Variants in SNX1 observed in about 807,000 individuals in gnomAD.
The protein encoded by SNX1 is sorting nexin-1.
In SNX1, 36 loss-of-function variants were observed where a neutral mutation model predicts 71.8. The ratio of observed to expected loss-of-function variants is 0.50; its 90% CI spans 0.38 to 0.66. SNX1 has a LOEUF of 0.66. SNX1 is among the 30% of genes least tolerant of loss of function. SNX1 has a pLI of 0.00. For synonymous variants in SNX1, 254 were observed against 240.7 expected (o/e 1.06, Z -0.51); for missense variants, 612 against 646.7 (o/e 0.95, Z 0.58).
chr15:64,102,388 G>C (rs556403959), intron 1 of SNX1, among the ~76,000 whole-genome samples: 2 of 152,000 alleles, frequency 1.3e-5, no homozygotes, highest in African/African-American at 2.4e-5. Flanking sequence ...TTATCTTTTT[G>C]TTGAGAACAT....
At chr15:64,113,340 C>T (rs542519522) in intron 2 of SNX1, among the ~76,000 whole-genome samples, 138 of 152,138 alleles carry the variant, frequency 9.1e-4, no homozygotes, top group Non-Finnish European at 1.7e-3. Context: ...TGCTTTTGCC[C>T]CCCAGAAGAC....
intron 4 of SNX1, among the ~76,000 whole-genome samples, chr15:64,119,799 G>A (rs546699224): frequency 2.5e-4 from 38 of 150,854 alleles, no homozygotes; most frequent in African/African-American, 9.0e-4. Flanking sequence ...CCATTTTACT[G>A]TCTTTTGAGA....
chr15:64,119,735 A>AC (rs1314620720), intron 4 of SNX1, among the ~76,000 whole-genome samples: 30 of 109,754 alleles, frequency 2.7e-4, no homozygotes, highest in Non-Finnish European at 5.7e-4. Flanking sequence ...AAAAAAAAAA[A>AC]AAACACACAC....
At chr15:64,106,874 T>C (rs1018772228) in intron 1 of SNX1, among the ~76,000 whole-genome samples, 2 of 152,206 alleles carry the variant, frequency 1.3e-5, no homozygotes, top group South Asian at 4.1e-4. Context: ...CAAAACCCAT[T>C]GGACTTTTTC....
intron 1 of SNX1, among the ~76,000 whole-genome samples, chr15:64,109,558 G>A (rs1196712390): frequency 6.6e-6 from 1 of 152,016 alleles, no homozygotes; most frequent in Non-Finnish European, 1.5e-5. Context: ...TGTCCAGGCT[G>A]GAGTGCAGTG....
At position 64,112,605 on chromosome 15, in the gene SNX1, C is replaced by G; in HGVS notation, c.192C>G (p.Ser64=). ...SKHQSPKITT[S]LLPINNGSKE... is the part of the protein sequence containing the mutation. ...ATCAGTCTCCAAAGATAACTACATC[C>G]CTTCTTCCCATCAACAATGGCTCCA... is the stretch of plus-strand genomic sequence containing the variant. Residue 64 remains serine, a synonymous_variant, in exon 2 of 15, where the codon TCC becomes TCG. Coordinates refer to ENST00000559844, the MANE Select transcript of SNX1 (RefSeq NM_003099.5). The G allele has an allele frequency of 6.2e-7, 1 of 1,612,066 alleles. No individual in the cohort carries two copies. The highest frequency in any genetic ancestry group is 8.5e-7 in the Non-Finnish European group (1 of 1,178,432).
chr15:64,108,433 G>T (rs2081044458), intron 1 of SNX1, among the ~76,000 whole-genome samples: 1 of 152,060 alleles, frequency 6.6e-6, no homozygotes, highest in Non-Finnish European at 1.5e-5. Context: ...TTTGTATTTT[G>T]ATAACGTGCT....
chr15:64,111,016 A>G lies in SNX1; in HGVS notation c.160-1557A>G, dbSNP rs116601727. 7.6e-3 allele frequency among the ~76,000 whole-genome samples: 1,150 copies of G among 152,316 alleles called. 16 individuals are homozygous for G. Among genetic ancestry groups the G allele is most frequent in the African/African-American group, 0.027 (1,106 of 41,558 alleles). ...TGAGCTACTAGTAAATTACATTTGT[A>G]TACATGTATCCTTAATGTATACTGG... On this transcript the variant is annotated intron_variant, in intron 1 of 14. Coordinates refer to ENST00000559844, the MANE Select transcript of SNX1 (RefSeq NM_003099.5).
At chr15:64,099,265 G>A (rs1339492995) in intron 1 of SNX1, among the ~76,000 whole-genome samples, 8 of 152,096 alleles carry the variant, frequency 5.3e-5, no homozygotes, top group Non-Finnish European at 1.0e-4. Context: ...AATAATACTA[G>A]TATTTACCTC....
chr15:64,114,570 C>G (rs1329245500), intron 2 of SNX1, among the ~76,000 whole-genome samples: 1 of 152,110 alleles, frequency 6.6e-6, no homozygotes, highest in African/African-American at 2.4e-5. Context: ...AAGACAAGAG[C>G]TGGACATATG....
intron 14 of SNX1, among the ~76,000 whole-genome samples, 176 bp from the exon 15 acceptor site, chr15:64,137,392 C>A (rs967122453): frequency 6.6e-5 from 10 of 152,226 alleles, no homozygotes; most frequent in African/African-American, 2.4e-4. Flanking sequence ...GTAACTGCTG[C>A]CTTCCCTGTC....
At chr15:64,117,727 G>C (rs546350133) in intron 2 of SNX1, among the ~76,000 whole-genome samples, 1 of 152,296 alleles carries the variant, frequency 6.6e-6, no homozygotes, top group East Asian at 1.9e-4. Flanking sequence ...GCGAGGTGGA[G>C]GTTGCAGTGA....
chr15:64,103,540 G>T (rs1474451329), intron 1 of SNX1, among the ~76,000 whole-genome samples: 2 of 152,178 alleles, frequency 1.3e-5, no homozygotes. Context: ...TTTCGAGAAT[G>T]TTTATACTAT....
intron 6 of SNX1, among the ~76,000 whole-genome samples, 185 bp downstream of exon 6, chr15:64,126,405 G>GGCAC (rs1410257312): frequency 1.3e-5 from 2 of 152,066 alleles, no homozygotes; most frequent in African/African-American, 4.8e-5. Flanking sequence ...GTTCTCCTTG[G>GGCAC]GTGCAGTAGG....
Position 64,130,003 on chromosome 15 carries a change from A to C in SNX1, c.895A>C (p.Thr299Pro). 6.2e-7 allele frequency: 1 copy of C among 1,613,906 alleles called. No homozygotes were observed. The change falls in exon 9 of 15, where the codon ACC becomes CCC. Residue 299 changes from threonine (T) to proline (P), a missense_variant. Coordinates refer to ENST00000559844, the MANE Select transcript of SNX1 (RefSeq NM_003099.5). ...NKATDAVSKM[T>P]IKMNESDIWF... ...AGCCACAGATGCCGTCAGCAAAATG[A>C]CCATCAAGATGAATGAATCAGACAT...
intron 2 of SNX1, among the ~76,000 whole-genome samples, chr15:64,113,839 AAGAG>A (rs10642801): frequency 3.6e-4 from 30 of 84,076 alleles, no homozygotes; most frequent in East Asian, 1.6e-3. Flanking sequence ...GAAAGAAAGA[AAGAG>A]AGAGAGAGAG....
At position 64,136,365 on chromosome 15, in the gene SNX1, C is replaced by T. The variant is rs76908230; in HGVS notation, c.1401C>T (p.Phe467=). The change falls in exon 13 of 15, where the codon TTC becomes TTT. Residue 467 remains phenylalanine (F), a synonymous_variant. Coordinates refer to ENST00000559844, the MANE Select transcript of SNX1 (RefSeq NM_003099.5). The part of the protein sequence containing the change: ...ESRVTQYERD[F]ERISTVVRKE... Reference sequence around the variant, plus strand: ...GGGTGACTCAATATGAAAGGGACTTCGAGAGGATTTCAACAGTGGTCCGAA... The same window carrying T: ...GGGTGACTCAATATGAAAGGGACTTTGAGAGGATTTCAACAGTGGTCCGAA... The T allele has an allele frequency of 7.3e-4, 1,183 of 1,614,004 alleles. 12 individuals are homozygous for T. In the African/African-American group the frequency reaches 0.014, roughly 19 times the overall value.
intron 2 of SNX1, 76 bp downstream of exon 2, chr15:64,112,760 A>C: frequency 1.4e-5 from 3 of 218,684 alleles, no homozygotes; most frequent in Non-Finnish European, 2.4e-5. Context: ...AGTCAAAACC[A>C]AAAAAAAAAA....
At chr15:64,126,305 A>C in intron 6 of SNX1, 85 bp downstream of exon 6, 1 of 1,323,884 alleles carries the variant, frequency 7.6e-7, no homozygotes, top group South Asian at 1.4e-5. Context: ...ATATGAGACT[A>C]CTTCTATTAA....
Sources: gnomAD v4.1 joint callset for allele counts (sites outside exome capture counted in the v4.1 genomes callset) on GRCh38, gnomAD v4.1.1 for gene constraint, MANE v1.5 for transcripts, NCBI Gene and HGNC (gene_info 2026-07-23, HGNC 2026-07-21) for gene names.